Variants in NUP93 observed in about 807,000 individuals in gnomAD.
NUP93 encodes nucleoporin 93, also known as nuclear pore complex protein Nup93.
A neutral mutation model predicts 107.8 loss-of-function variants in NUP93; 55 were observed. The ratio of observed to expected loss-of-function variants is 0.51; its 90% CI spans 0.41 to 0.64. NUP93 has a LOEUF of 0.64. NUP93 is among the 30% of genes least tolerant of loss of function. The pLI, the probability that NUP93 is intolerant of heterozygous loss-of-function variation, is 0.00. For missense variants in NUP93, 937 were observed against 1,044.7 expected, an observed-to-expected ratio of 0.90 and a Z score of 1.42; for synonymous variants, 390 against 397.5, an observed-to-expected ratio of 0.98 and a Z score of 0.22.
intron 1 of NUP93, among the ~76,000 whole-genome samples, chr16:56,736,826 G>A (rs1275517450): frequency 3.3e-5 from 5 of 152,154 alleles, no homozygotes; most frequent in African/African-American, 7.2e-5. Flanking sequence ...GGAATTTAGA[G>A]CAATATTAAA....
chr16:56,838,822 C>T, intron 18 of NUP93, 130 bp from the exon 19 acceptor site: 1 of 697,768 alleles, frequency 1.4e-6, no homozygotes, highest in South Asian at 1.8e-5. Flanking sequence ...GCCCCAGCCT[C>T]CCATGTAGCT....
chr16:56,816,262 T>G (rs1963428274), intron 5 of NUP93, among the ~76,000 whole-genome samples: 1 of 152,244 alleles, frequency 6.6e-6, no homozygotes, highest in Non-Finnish European at 1.5e-5. Context: ...TAGCTGTTGT[T>G]ATTATTGTAA....
At chr16:56,835,926 A>G (rs1397654677) in intron 16 of NUP93, among the ~76,000 whole-genome samples, 5 of 152,112 alleles carry the variant, frequency 3.3e-5, no homozygotes, top group African/African-American at 1.2e-4. Flanking sequence ...CAGGAGATCG[A>G]GACCATCCTG....
intron 3 of NUP93, among the ~76,000 whole-genome samples, chr16:56,770,907 T>TAA (rs144413539): frequency 2.7e-4 from 39 of 145,332 alleles, no homozygotes; most frequent in African/African-American, 6.1e-4. Flanking sequence ...ACTGAAAAAT[T>TAA]AAAAAAAAAA....
intron 1 of NUP93, among the ~76,000 whole-genome samples, chr16:56,735,949 A>G (rs1961606719): frequency 1.3e-5 from 2 of 152,190 alleles, no homozygotes; most frequent in Non-Finnish European, 2.9e-5. Flanking sequence ...ACTTAAAGGA[A>G]TGAAGGTCTG....
intron 18 of NUP93, 127 bp from the exon 19 acceptor site, chr16:56,838,825 A>G (rs956406025): frequency 1.4e-6 from 1 of 708,318 alleles, no homozygotes. Context: ...CCAGCCTCCC[A>G]TGTAGCTGAG....
chr16:56,744,068 A>G (rs367547514), intron 1 of NUP93, among the ~76,000 whole-genome samples: 1 of 152,084 alleles, frequency 6.6e-6, no homozygotes, highest in South Asian at 2.1e-4. Flanking sequence ...TCCAGCCCCA[A>G]TTGTGCTGCA....
At chr16:56,823,150 G>A (rs1963583703) in intron 7 of NUP93, among the ~76,000 whole-genome samples, 1 of 152,152 alleles carries the variant, frequency 6.6e-6, no homozygotes, top group Non-Finnish European at 1.5e-5. Context: ...CCTGGGAGGC[G>A]TCTTTTGAAG....
intron 3 of NUP93, among the ~76,000 whole-genome samples, chr16:56,774,971 C>T (rs1373087118): frequency 1.3e-5 from 2 of 151,228 alleles, no homozygotes; most frequent in African/African-American, 2.4e-5. Context: ...GCAATCTCTG[C>T]TCATTGCAAC....
chr16:56,845,186 G>A lies in NUP93; in HGVS notation c.*577G>A, dbSNP rs535841732. 1.0e-4 allele frequency: 18 copies of A among 173,868 alleles called. No individual in the cohort carries two copies. The highest frequency in any genetic ancestry group is 4.0e-4 in the South Asian group (2 of 4,986). The allele number at this position is 173,868 out of a possible 1,614,324, so 10.8% of individuals were successfully genotyped here. A position where few individuals can be genotyped will look rare whatever the true frequency, so the allele number is the denominator to read the frequency against. ...TGATTGCAGGATTCATCAGTTTGCC[G>A]TTCTGTTGCAATCCCAGTGGAGATA... On this transcript the variant is annotated 3_prime_UTR_variant, in exon 22 of 22. Coordinates refer to ENST00000308159, the MANE Select transcript of NUP93 (RefSeq NM_014669.5).
intron 3 of NUP93, among the ~76,000 whole-genome samples, chr16:56,788,691 A>G (rs947200109): frequency 6.6e-6 from 1 of 152,206 alleles, no homozygotes; most frequent in Non-Finnish European, 1.5e-5. Flanking sequence ...GGAGATTTAA[A>G]TGGCCATCAT....
intron 8 of NUP93, among the ~76,000 whole-genome samples, chr16:56,827,069 A>AAT (rs1430722800): frequency 3.2e-5 from 4 of 125,652 alleles, no homozygotes; most frequent in African/African-American, 5.5e-5. Flanking sequence ...AAAAAAAAAA[A>AAT]TTTTGTTGAG....
chr16:56,743,891 A>AC (rs1490452374), intron 1 of NUP93, among the ~76,000 whole-genome samples: 2 of 152,196 alleles, frequency 1.3e-5, no homozygotes, highest in Non-Finnish European at 2.9e-5. Flanking sequence ...AGTCCTACTT[A>AC]TAGGGAGAGT....
rs1426619044 is a variant in NUP93, at chr16:56,797,494, CTG to C, written c.298-980_298-979del. 8.5e-5 allele frequency among the ~76,000 whole-genome samples: 13 copies of C among 152,170 alleles called. No homozygotes were observed. In the South Asian group the frequency reaches 2.5e-3, roughly 29 times the overall value. ...CAAGGTGTTGGCGGGGAAGTGCACT[CTG>C]TATATCTGTCTGTCTGTCTGCAACT... On this transcript the variant is annotated intron_variant, in intron 3 of 21. Transcript: ENST00000308159.
At chr16:56,742,516 A>G (rs564848978) in intron 1 of NUP93, among the ~76,000 whole-genome samples, 5 of 152,250 alleles carry the variant, frequency 3.3e-5, no homozygotes, top group African/African-American at 4.8e-5. Flanking sequence ...TGGTTTACAT[A>G]TTATCTATGC....
At chr16:56,821,019 T>G (rs1426563612) in intron 6 of NUP93, among the ~76,000 whole-genome samples, 4 of 152,216 alleles carry the variant, frequency 2.6e-5, no homozygotes, top group African/African-American at 9.6e-5. Context: ...AGAACAGAGA[T>G]TCTTTCCAGG....
At chr16:56,759,353 G>A (rs1325080497) in intron 3 of NUP93, among the ~76,000 whole-genome samples, 1 of 152,232 alleles carries the variant, frequency 6.6e-6, no homozygotes, top group African/African-American at 2.4e-5. Flanking sequence ...ACCTGAAAAT[G>A]AGAGGATGCC....
chr16:56,810,402 G>A (rs1382057836), intron 5 of NUP93, among the ~76,000 whole-genome samples: 1 of 152,178 alleles, frequency 6.6e-6, no homozygotes, highest in Non-Finnish European at 1.5e-5. Context: ...GCTGAGGCAG[G>A]AGGATCACCT....
At chr16:56,815,437 G>T (rs1230816710) in intron 5 of NUP93, among the ~76,000 whole-genome samples, 8 of 152,034 alleles carry the variant, frequency 5.3e-5, no homozygotes, top group African/African-American at 1.9e-4. Flanking sequence ...GGCTTGGTGG[G>T]GGCTTCCATC....
Sources: gnomAD v4.1 joint callset for allele counts (sites outside exome capture counted in the v4.1 genomes callset) on GRCh38, gnomAD v4.1.1 for gene constraint, MANE v1.5 for transcripts, NCBI Gene and HGNC (gene_info 2026-07-23, HGNC 2026-07-21) for gene names.